The following PTPRM variants were observed in gnomAD, a reference collection of about 807,000 sequenced individuals.
PTPRM encodes the protein protein tyrosine phosphatase receptor type M.
A neutral mutation model predicts 186.7 loss-of-function variants in PTPRM; 47 were observed. That is an observed-to-expected ratio of 0.25 (90% CI 0.20 to 0.32). The LOEUF (loss-of-function observed/expected upper bound fraction) is 0.32. PTPRM is among the 10% of genes least tolerant of loss of function. PTPRM has a pLI of 1.00. For synonymous variants in PTPRM, 668 were observed against 674.9 expected, an observed-to-expected ratio of 0.99 and a Z score of 0.16; for missense variants, 1,494 against 1,865.0, an observed-to-expected ratio of 0.80 and a Z score of 3.66.
At chr18:8,219,343 T>G (rs2094127667) in intron 14 of PTPRM, among the ~76,000 whole-genome samples, 1 of 151,982 alleles carries the variant, frequency 6.6e-6, no homozygotes, top group Non-Finnish European at 1.5e-5. Context: ...GGAGGACGCC[T>G]GTAGTCCCAG....
At chr18:8,124,199 A>T (rs543326326) in intron 13 of PTPRM, among the ~76,000 whole-genome samples, 1 of 152,312 alleles carries the variant, frequency 6.6e-6, no homozygotes, top group South Asian at 2.1e-4. Context: ...GATTAAAATG[A>T]TGGTGTATCA....
chr18:8,242,329 G>A (rs1300590050), intron 14 of PTPRM, among the ~76,000 whole-genome samples: 2 of 152,230 alleles, frequency 1.3e-5, no homozygotes, highest in Non-Finnish European at 2.9e-5. Flanking sequence ...CCTGGCCTGA[G>A]AATGTTTTTC....
intron 2 of PTPRM, among the ~76,000 whole-genome samples, chr18:7,863,364 G>A (rs1328137451): frequency 9.2e-5 from 14 of 151,468 alleles, no homozygotes; most frequent in Non-Finnish European, 1.2e-4. Context: ...CCTCACCCCC[G>A]ACAGGCCCTG....
chr18:8,216,231 T>G (rs924042977), intron 14 of PTPRM, among the ~76,000 whole-genome samples: 11 of 152,212 alleles, frequency 7.2e-5, no homozygotes, highest in African/African-American at 2.7e-4. Context: ...TCCAACAAGA[T>G]TGTCTGTTTA....
intron 20 of PTPRM, among the ~76,000 whole-genome samples, chr18:8,311,033 G>A (rs1167946861): frequency 1.3e-5 from 2 of 152,198 alleles, no homozygotes; most frequent in Non-Finnish European, 2.9e-5. Context: ...TTTAGGCTGG[G>A]CGTGGTGGCT....
intron 2 of PTPRM, among the ~76,000 whole-genome samples, chr18:7,842,947 T>TATATATATATATATATAGAGAGAGAG (rs370746043): frequency 8.9e-6 from 1 of 112,102 alleles, no homozygotes; most frequent in African/African-American, 4.2e-5. Flanking sequence ...TATATATATA[T>TATATATATATATATATAGAGAGAGAG]AGAGAGAGAG....
chr18:7,588,252 A>C (rs937344023), intron 1 of PTPRM, among the ~76,000 whole-genome samples: 1 of 152,202 alleles, frequency 6.6e-6, no homozygotes, highest in East Asian at 1.9e-4. Context: ...ACTTTCAGAA[A>C]TAACTACATT....
chr18:7,733,561 T>G (rs2040706551), intron 1 of PTPRM, among the ~76,000 whole-genome samples: 1 of 152,190 alleles, frequency 6.6e-6, no homozygotes, highest in Non-Finnish European at 1.5e-5. Flanking sequence ...TGCATGTGTC[T>G]TTATAGTAGA....
At position 7,953,506 on chromosome 18, in the gene PTPRM, A is replaced by G. The variant is rs74427594; in HGVS notation, c.839-1615A>G. 5.0e-3 allele frequency among the ~76,000 whole-genome samples: 769 copies of G among 152,356 alleles called. 8 individuals carry two copies. The highest frequency in any genetic ancestry group is 0.018 in the African/African-American group (732 of 41,576). ...CACAAAGTTTCAGTTTATAAACAAC[A>G]GGAACAATATTTTAGTAAATTTACA... On this transcript the variant is annotated intron_variant, in intron 6 of 32. Coordinates refer to ENST00000580170, the MANE Select transcript of PTPRM (RefSeq NM_001105244.2).
intron 1 of PTPRM, among the ~76,000 whole-genome samples, chr18:7,642,728 AAC>A (rs2038472881): frequency 6.6e-6 from 1 of 151,948 alleles, no homozygotes; most frequent in African/African-American, 2.4e-5. Context: ...TGGTCGCGCT[AAC>A]GTTTATTGTA....
intron 7 of PTPRM, among the ~76,000 whole-genome samples, chr18:8,029,722 C>T (rs755203870): frequency 6.6e-6 from 1 of 152,192 alleles, no homozygotes; most frequent in African/African-American, 2.4e-5. Flanking sequence ...GAGATTGTGT[C>T]TTATATACTT....
chr18:8,248,098 G>A, intron 16 of PTPRM, 52 bp from the exon 17 acceptor site: 2 of 1,501,252 alleles, frequency 1.3e-6, no homozygotes, highest in Admixed American at 1.7e-5. Flanking sequence ...ATCATTTACT[G>A]TTCTTTCTCT....
intron 14 of PTPRM, among the ~76,000 whole-genome samples, chr18:8,228,983 C>T (rs1211285918): frequency 6.6e-6 from 1 of 152,046 alleles, no homozygotes; most frequent in African/African-American, 2.4e-5. Flanking sequence ...AGGATCAAGC[C>T]ATGAAATGTG....
chr18:8,088,625 T>G, intron 10 of PTPRM, 124 bp from the exon 11 acceptor site: 1 of 749,184 alleles, frequency 1.3e-6, no homozygotes, highest in Non-Finnish European at 2.3e-6. Flanking sequence ...CTCGTGGTTG[T>G]TGATAGCTGC....
chr18:7,884,376 A>G (rs931368345), intron 2 of PTPRM, among the ~76,000 whole-genome samples: 19 of 152,080 alleles, frequency 1.2e-4, no homozygotes, highest in Admixed American at 6.6e-4. Context: ...ACCGCAGGGG[A>G]AGGTGCTTGG....
chr18:7,919,416 C>G (rs1479711500), intron 4 of PTPRM, among the ~76,000 whole-genome samples: 2 of 152,016 alleles, frequency 1.3e-5, no homozygotes, highest in African/African-American at 4.8e-5. Context: ...TGAAACAAAT[C>G]ATAACAGAAA....
intron 14 of PTPRM, among the ~76,000 whole-genome samples, chr18:8,148,657 C>A (rs947590608): frequency 6.6e-6 from 1 of 152,038 alleles, no homozygotes; most frequent in Non-Finnish European, 1.5e-5. Context: ...TCCTTCAGTT[C>A]TGCTCTGATC....
chr18:8,351,644 G>C lies in PTPRM; in HGVS notation c.3054+8124G>C, dbSNP rs183405660. On this transcript the variant is annotated intron_variant, in intron 23 of 32. Transcript: ENST00000580170. ...TGCCTTGAATTCCTTCAATTCTGTA[G>C]GTCATGAATTATCTGTTTCTGCTGG... is the stretch of plus-strand genomic sequence containing the variant. Among the ~76,000 whole-genome samples, 141 of 152,234 alleles carry C rather than the reference G, an allele frequency of 9.3e-4. 1 individual carries two copies. The highest frequency in any genetic ancestry group is 3.1e-3 in the African/African-American group (127 of 41,532).
At chr18:7,785,564 T>C (rs1460629111) in intron 2 of PTPRM, among the ~76,000 whole-genome samples, 1 of 152,184 alleles carries the variant, frequency 6.6e-6, no homozygotes. Context: ...AAATTTGCAG[T>C]ATAAATGTGG....
Sources: gnomAD v4.1 joint callset for allele counts (sites outside exome capture counted in the v4.1 genomes callset) on GRCh38, gnomAD v4.1.1 for gene constraint, MANE v1.5 for transcripts, NCBI Gene and HGNC (gene_info 2026-07-23, HGNC 2026-07-21) for gene names.